MKLN1: variants seen among roughly 807,000 people sequenced by gnomAD.
MKLN1 encodes muskelin 1.
In MKLN1, 18 loss-of-function variants were observed where a neutral mutation model predicts 99.0. The observed-to-expected ratio is 0.18, with a 90% CI of 0.13 to 0.27. The LOEUF is 0.27. Among genes scored for constraint, MKLN1 ranks in the 10% least tolerant of loss-of-function variants. MKLN1 has a pLI of 1.00. For synonymous variants in MKLN1, 288 were observed against 293.2 expected (o/e 0.98, Z 0.18); for missense variants, 621 against 875.9 (o/e 0.71, Z 3.67).
intron 3 of MKLN1, 135 bp downstream of exon 3, chr7:131,387,397 T>A: frequency 1.5e-6 from 1 of 672,970 alleles, no homozygotes; most frequent in Non-Finnish European, 2.3e-6. Context: ...CCCTAATGCC[T>A]TAGTTTAATA....
chr7:131,300,003 G>A (rs7776579), intron 3 of MKLN1, among the ~76,000 whole-genome samples: 40,065 of 151,988 alleles, frequency 0.26, 5,700 homozygotes, highest in African/African-American at 0.36. Flanking sequence ...AGCCACAAGC[G>A]CTGCTGGTGA....
intron 1 of MKLN1, among the ~76,000 whole-genome samples, chr7:131,121,343 C>T (rs1158543979): frequency 2.0e-5 from 3 of 152,096 alleles, no homozygotes; most frequent in Admixed American, 6.6e-5. Context: ...GTCAGCTTCC[C>T]CAGACTCTCA....
intron 2 of MKLN1, among the ~76,000 whole-genome samples, chr7:131,156,223 T>C (rs1159317097): frequency 6.6e-6 from 1 of 151,874 alleles, no homozygotes; most frequent in East Asian, 1.9e-4. Context: ...GACTTTACAA[T>C]GGTGTGAAAG....
At chr7:131,383,386 T>C (rs1229490799) in intron 2 of MKLN1, among the ~76,000 whole-genome samples, 1 of 152,148 alleles carries the variant, frequency 6.6e-6, no homozygotes, top group Non-Finnish European at 1.5e-5. Context: ...TTCTTTGAGG[T>C]TGAAAGCCCA....
chr7:131,387,720 A>G (rs972888340), intron 3 of MKLN1, among the ~76,000 whole-genome samples: 2 of 152,230 alleles, frequency 1.3e-5, no homozygotes, highest in African/African-American at 4.8e-5. Flanking sequence ...ATGCGTGACT[A>G]CGCCAAGCAC....
At chr7:131,460,416 G>A (rs1305821607) in intron 12 of MKLN1, among the ~76,000 whole-genome samples, 1 of 152,188 alleles carries the variant, frequency 6.6e-6, no homozygotes, top group Non-Finnish European at 1.5e-5. Context: ...CACTGATCAA[G>A]GTCTTGTATA....
rs1028779355 is a variant in MKLN1 at position 131,348,817 on chromosome 7, G to A, written c.98+20820G>A. Among the ~76,000 whole-genome samples, 11 of 152,286 alleles carry A rather than the reference G, an allele frequency of 7.2e-5. No individual in the cohort carries two copies. In the East Asian group the frequency reaches 2.1e-3, roughly 29 times the overall value. On this transcript the variant is annotated intron_variant, in intron 1 of 17. Transcript: ENST00000352689. ...AGGAAAACATGAAAGAATTGAGACA[G>A]TATGGTATAGAGAGAACACTGACCT...
chr7:131,275,365 GTTTTTTTTTTTT>G (rs909251138), intron 3 of MKLN1, among the ~76,000 whole-genome samples: 1 of 105,204 alleles, frequency 9.5e-6, no homozygotes, highest in Non-Finnish European at 1.9e-5. Context: ...GTTGTTGTTG[GTTTTTTTTTTTT>G]TTTTTTTTTG....
At chr7:131,171,807 A>G (rs976987761) in intron 2 of MKLN1, among the ~76,000 whole-genome samples, 8 of 152,242 alleles carry the variant, frequency 5.3e-5, no homozygotes, top group Non-Finnish European at 8.8e-5. Context: ...GTTTGGTATA[A>G]TTAAGAAATA....
chr7:131,190,231 A>T (rs976985105), intron 2 of MKLN1, among the ~76,000 whole-genome samples: 2 of 152,196 alleles, frequency 1.3e-5, no homozygotes, highest in African/African-American at 4.8e-5. Context: ...ATCCAGGTGG[A>T]TGGAGCAGGG....
intron 6 of MKLN1, among the ~76,000 whole-genome samples, 190 bp from the exon 7 acceptor site, chr7:131,411,116 A>G (rs1033147228): frequency 4.6e-5 from 7 of 152,204 alleles, no homozygotes; most frequent in African/African-American, 1.7e-4. Context: ...GTCAATTAAT[A>G]TTTTACTATT....
chr7:131,127,178 A>G (rs1415266933), intron 1 of MKLN1, among the ~76,000 whole-genome samples: 2 of 124,826 alleles, frequency 1.6e-5, no homozygotes, highest in African/African-American at 3.3e-5. Flanking sequence ...AAAAAAAAAA[A>G]AAAAGAAAGA....
At chr7:131,194,666 A>G (rs1172827285) in intron 2 of MKLN1, among the ~76,000 whole-genome samples, 1 of 152,210 alleles carries the variant, frequency 6.6e-6, no homozygotes, top group African/African-American at 2.4e-5. Context: ...TCACAAACAG[A>G]TGGATAGATA....
intron 1 of MKLN1, among the ~76,000 whole-genome samples, chr7:131,356,364 A>G (rs1257560577): frequency 6.6e-6 from 1 of 151,954 alleles, no homozygotes; most frequent in Non-Finnish European, 1.5e-5. Flanking sequence ...TGGTCGCCTA[A>G]CACTCCTGGT....
intron 2 of MKLN1, among the ~76,000 whole-genome samples, chr7:131,159,288 A>C (rs752201741): frequency 1.3e-5 from 2 of 152,194 alleles, no homozygotes; most frequent in Admixed American, 6.5e-5. Flanking sequence ...AATATCTATC[A>C]CACAAGCTAA....
At chr7:131,154,242 A>C (rs1255841965) in intron 2 of MKLN1, among the ~76,000 whole-genome samples, 1 of 151,990 alleles carries the variant, frequency 6.6e-6, no homozygotes, top group Non-Finnish European at 1.5e-5. Context: ...ATAGGGATAG[A>C]AACTAGACTT....
chr7:131,476,043 A>T (rs1796956909), intron 16 of MKLN1, among the ~76,000 whole-genome samples: 1 of 152,228 alleles, frequency 6.6e-6, no homozygotes, highest in African/African-American at 2.4e-5. Flanking sequence ...AACAGAATGA[A>T]GGAGGAAAAC....
intron 2 of MKLN1, among the ~76,000 whole-genome samples, chr7:131,185,674 A>T (rs1348502624): frequency 1.3e-5 from 2 of 152,204 alleles, no homozygotes; most frequent in African/African-American, 4.8e-5. Context: ...GGTTGTGAAC[A>T]TAGATTCTGG....
At chr7:131,389,517 G>A (rs1055720565) in intron 4 of MKLN1, among the ~76,000 whole-genome samples, 1 of 151,616 alleles carries the variant, frequency 6.6e-6, no homozygotes, top group African/African-American at 2.4e-5. Flanking sequence ...ATGACCCATC[G>A]ATAGGTTGCA....
Sources: allele counts gnomAD v4.1 joint callset (sites outside exome capture counted in the v4.1 genomes callset), GRCh38; gene constraint gnomAD v4.1.1; transcripts MANE v1.5; gene names NCBI Gene and HGNC (gene_info 2026-07-23, HGNC 2026-07-21).